ZBTB7C: variants seen among roughly 807,000 people sequenced by gnomAD.
ZBTB7C encodes the protein zinc finger and BTB domain containing 7C, also known as zinc finger and BTB domain-containing protein 7C.
ZBTB7C carries 8 observed loss-of-function variants against 25.7 expected under a neutral mutation model. The ratio of observed to expected loss-of-function variants is 0.31; its 90% CI spans 0.18 to 0.56. ZBTB7C has a LOEUF of 0.56. Ranked by LOEUF, ZBTB7C falls within the 20% of genes least tolerant of loss-of-function variation. ZBTB7C has a pLI of 0.91. For synonymous variants in ZBTB7C, 394 were observed against 369.0 expected, an observed-to-expected ratio of 1.07 and a Z score of -0.78; for missense variants, 824 against 855.2, an observed-to-expected ratio of 0.96 and a Z score of 0.46.
At chr18:48,125,293 T>G (rs1047007415) in intron 3 of ZBTB7C, among the ~76,000 whole-genome samples, 6 of 152,126 alleles carry the variant, frequency 3.9e-5, no homozygotes, top group Admixed American at 3.9e-4. Flanking sequence ...AGTAAGGGCT[T>G]CCTGCTGTGG....
At chr18:48,185,692 C>T (rs1411825682) in intron 3 of ZBTB7C, among the ~76,000 whole-genome samples, 1 of 152,138 alleles carries the variant, frequency 6.6e-6, no homozygotes, top group East Asian at 1.9e-4. Context: ...GGGAGTGACT[C>T]TTTCATGAGC....
chr18:48,282,705 T>G (rs1210635024), intron 2 of ZBTB7C, among the ~76,000 whole-genome samples: 1 of 152,110 alleles, frequency 6.6e-6, no homozygotes, highest in Admixed American at 6.5e-5. Context: ...CATAGCAAAA[T>G]GAATGAATTC....
chr18:48,265,974 G>A (rs1456524023), intron 2 of ZBTB7C, among the ~76,000 whole-genome samples: 1 of 152,108 alleles, frequency 6.6e-6, no homozygotes, highest in Non-Finnish European at 1.5e-5. Context: ...TGGCTGTGGT[G>A]TGGTTCTATA....
At chr18:48,060,577 C>T (rs367903917) in intron 3 of ZBTB7C, among the ~76,000 whole-genome samples, 45 of 152,234 alleles carry the variant, frequency 3.0e-4, no homozygotes, top group Middle Eastern at 3.4e-3. Context: ...TTGCCCATTC[C>T]GCCTCCTCAG....
intron 2 of ZBTB7C, among the ~76,000 whole-genome samples, chr18:48,296,609 C>T (rs2045398263): frequency 6.6e-6 from 1 of 152,228 alleles, no homozygotes; most frequent in Admixed American, 6.5e-5. Flanking sequence ...AAGCTCCTCT[C>T]CCACAGCACG....
chr18:48,054,966 G>A (rs1314465507), intron 3 of ZBTB7C, among the ~76,000 whole-genome samples: 1 of 152,152 alleles, frequency 6.6e-6, no homozygotes, highest in African/African-American at 2.4e-5. Flanking sequence ...ATTACCACAT[G>A]TTATTGATCA....
chr18:48,212,220 A>T (rs937065718), intron 2 of ZBTB7C, among the ~76,000 whole-genome samples: 1 of 152,146 alleles, frequency 6.6e-6, no homozygotes, highest in Admixed American at 6.5e-5. Flanking sequence ...ATATATTTTT[A>T]AAAAGTCAGT....
At chr18:48,233,223 G>A (rs147367257) in intron 2 of ZBTB7C, among the ~76,000 whole-genome samples, 14 of 152,054 alleles carry the variant, frequency 9.2e-5, no homozygotes, top group Admixed American at 2.6e-4. Flanking sequence ...GCACTCTCTC[G>A]CGCGCACGCT....
At chr18:48,380,785 A>G (rs1312264157) in intron 1 of ZBTB7C, among the ~76,000 whole-genome samples, 1 of 152,230 alleles carries the variant, frequency 6.6e-6, no homozygotes, top group Admixed American at 6.5e-5. Context: ...TAACATACCA[A>G]TATTTGTTGT....
intron 1 of ZBTB7C, among the ~76,000 whole-genome samples, chr18:48,400,726 G>A (rs1031398929): frequency 3.3e-5 from 5 of 152,140 alleles, no homozygotes; most frequent in South Asian, 2.1e-4. Context: ...GGATATACTG[G>A]GTTAAATAAA....
At chr18:48,368,458 A>G (rs1179960327) in intron 1 of ZBTB7C, among the ~76,000 whole-genome samples, 1 of 152,178 alleles carries the variant, frequency 6.6e-6, no homozygotes, top group Non-Finnish European at 1.5e-5. Context: ...CTGTGGTACT[A>G]TAACAGAAGT....
chr18:48,350,173 T>C (rs967680868), intron 1 of ZBTB7C, among the ~76,000 whole-genome samples: 2 of 152,210 alleles, frequency 1.3e-5, no homozygotes, highest in Non-Finnish European at 2.9e-5. Flanking sequence ...TTCATTATCT[T>C]ACAGTTCTGG....
At chr18:48,126,403 G>T (rs1365486587) in intron 3 of ZBTB7C, among the ~76,000 whole-genome samples, 1 of 152,156 alleles carries the variant, frequency 6.6e-6, no homozygotes, top group Non-Finnish European at 1.5e-5. Flanking sequence ...TGAGAGCGGC[G>T]CTCTGAGGAC....
chr18:48,211,255 G>A (rs1257602108), intron 2 of ZBTB7C, among the ~76,000 whole-genome samples: 1 of 152,100 alleles, frequency 6.6e-6, no homozygotes, highest in Non-Finnish European at 1.5e-5. Context: ...TAACAGAGGA[G>A]AAAACCTAGA....
intron 1 of ZBTB7C, among the ~76,000 whole-genome samples, chr18:48,340,726 G>A (rs952921467): frequency 6.6e-6 from 1 of 152,188 alleles, no homozygotes; most frequent in African/African-American, 2.4e-5. Context: ...ACAGCAGATG[G>A]TGCTGTCGCC....
At chr18:48,167,595 T>TGC (rs2041305142) in intron 3 of ZBTB7C, among the ~76,000 whole-genome samples, 2 of 150,190 alleles carry the variant, frequency 1.3e-5, no homozygotes, top group African/African-American at 5.0e-5. Flanking sequence ...TGTGTGTGTG[T>TGC]GTGCGCGCGT....
At chr18:48,249,219 C>G (rs1178321496) in intron 2 of ZBTB7C, among the ~76,000 whole-genome samples, 1 of 152,134 alleles carries the variant, frequency 6.6e-6, no homozygotes, top group Non-Finnish European at 1.5e-5. Context: ...AGAGAAAGAG[C>G]CATATACATG....
At chr18:48,344,948 C>T (rs527685171) in intron 1 of ZBTB7C, among the ~76,000 whole-genome samples, 1 of 152,254 alleles carries the variant, frequency 6.6e-6, no homozygotes, top group Admixed American at 6.5e-5. Flanking sequence ...TCTCTGATGT[C>T]CACTCCTCAA....
In ZBTB7C at chr18:48,167,597, T is replaced by TGTGTGTGTGTGTGTGTGTGC. The variant is rs779870966; in HGVS notation, c.-17+18336_-17+18337insGCACACACACACACACACAC. Among the ~76,000 whole-genome samples, 836 of 148,142 alleles carry TGTGTGTGTGTGTGTGTGTGC rather than the reference T, an allele frequency of 5.6e-3. 2 individuals carry two copies. The highest frequency in any genetic ancestry group is 0.021 in the Middle Eastern group (6 of 288). ...GTGTGTGTGTGTGTGTGTGTGTGTGTGCGCGCGTGCACACGCGCATGCGCC... is the reference window on the plus strand; with the variant it reads ...GTGTGTGTGTGTGTGTGTGTGTGTGTGTGTGTGTGTGTGTGTGTGCGCGCGCGTGCACACGCGCATGCGCC... On this transcript the variant is annotated intron_variant, in intron 3 of 4. Transcript: ENST00000590800.
Sources: gnomAD v4.1 joint callset for allele counts (sites outside exome capture counted in the v4.1 genomes callset) on GRCh38, gnomAD v4.1.1 for gene constraint, MANE v1.5 for transcripts, NCBI Gene and HGNC (gene_info 2026-07-23, HGNC 2026-07-21) for gene names.